Variants in TENM1 observed in about 807,000 individuals in gnomAD.
The protein encoded by TENM1 is teneurin-1.
In TENM1, 35 loss-of-function variants were observed where a neutral mutation model predicts 174.8. That is an observed-to-expected ratio of 0.20 (90% CI 0.15 to 0.27). TENM1 has a LOEUF of 0.27. Among genes scored for constraint, TENM1 ranks in the 10% least tolerant of loss-of-function variants. The pLI is 1.00. For missense variants in TENM1, 1,633 were observed against 2,130.1 expected, an observed-to-expected ratio of 0.77 and a Z score of 4.59; for synonymous variants, 781 against 798.7, an observed-to-expected ratio of 0.98 and a Z score of 0.37.
At chrX:124,744,625 AT>A (rs2053874055) in intron 3 of TENM1, among the ~76,000 whole-genome samples, 1 of 112,072 alleles carries the variant, frequency 8.9e-6, no homozygotes, top group Non-Finnish European at 1.9e-5. Flanking sequence ...TAAAAAAGTA[AT>A]GATCCTTTAA....
At chrX:124,861,619 C>T (rs185304850) in intron 3 of TENM1, among the ~76,000 whole-genome samples, 2 of 111,906 alleles carry the variant, frequency 1.8e-5, no homozygotes, top group East Asian at 5.6e-4. Flanking sequence ...TCAATTGATG[C>T]ATTATTGGAT....
chrX:124,503,152 A>G (rs934408132), intron 19 of TENM1, among the ~76,000 whole-genome samples: 1 of 111,607 alleles, frequency 9.0e-6, no homozygotes, highest in Admixed American at 9.5e-5. Context: ...GCTCAGAGGA[A>G]AGCTGTATGA....
chrX:124,941,868 C>G (rs2058331916), intron 1 of TENM1, among the ~76,000 whole-genome samples: 1 of 111,707 alleles, frequency 9.0e-6, no homozygotes, highest in Admixed American at 9.5e-5. Context: ...CTGGGGAGGC[C>G]TCACAATCAT....
intron 4 of TENM1, among the ~76,000 whole-genome samples, chrX:124,719,739 A>G (rs1272692665): frequency 2.7e-5 from 3 of 111,963 alleles, no homozygotes; most frequent in Non-Finnish European, 5.6e-5. Context: ...CGTCAAGAAT[A>G]TAGGGATTTC....
intron 1 of TENM1, among the ~76,000 whole-genome samples, chrX:124,944,799 C>T (rs765581971): frequency 4.6e-5 from 5 of 108,293 alleles, no homozygotes; most frequent in South Asian, 4.1e-4. Context: ...CATATTTGAA[C>T]GTATAGTACA....
intron 11 of TENM1, among the ~76,000 whole-genome samples, chrX:124,578,038 G>A (rs899345048): frequency 3.7e-5 from 4 of 107,265 alleles, no homozygotes; most frequent in African/African-American, 1.0e-4. Context: ...CAATCCTCCC[G>A]CCTCAGCCTC....
At chrX:125,031,191 T>C in the TENM1 span, among the ~76,000 whole-genome samples, 1 of 110,977 alleles carries the variant, frequency 9.0e-6, no homozygotes, top group Admixed American at 9.7e-5. Context: ...GCTCCACTTA[T>C]AAGTGAGAAG....
chrX:125,192,139 A>T, the TENM1 span, among the ~76,000 whole-genome samples: 2,490 of 111,554 alleles, frequency 0.022, 35 homozygotes, highest in Non-Finnish European at 0.038. Context: ...ATTTTAAAAC[A>T]AAAGTAAAGT....
chrX:125,117,166 C>G, the TENM1 span, among the ~76,000 whole-genome samples: 1 of 111,505 alleles, frequency 9.0e-6, no homozygotes, highest in Non-Finnish European at 1.9e-5. Flanking sequence ...CCAGAAATAC[C>G]ATTTCACCCA....
rs186034321 is a variant in TENM1, at chrX:124,919,941, G to A, written c.218-23700C>T. Among the ~76,000 whole-genome samples the A allele has an allele frequency of 4.6e-3, 515 of 110,812 alleles. 3 individuals carry two copies. Among genetic ancestry groups the A allele is most frequent in the Admixed American group, 0.014 (146 of 10,382 alleles). The stretch of plus-strand genomic sequence containing the variant: ...ATTAGGGCTTCAGGCAAAAAGAACC[G>A]ATACTCAAAATAATGAACATAAGTC... On this transcript the variant is annotated intron_variant, in intron 1 of 31. Coordinates refer to ENST00000422452, the Ensembl canonical transcript of TENM1.
intron 3 of TENM1, among the ~76,000 whole-genome samples, chrX:124,743,845 T>C (rs1292289668): frequency 1.8e-5 from 2 of 112,163 alleles, no homozygotes; most frequent in African/African-American, 3.2e-5. Flanking sequence ...TTAGTCTCTC[T>C]ATAAGCTGAT....
chrX:124,599,588 T>C (rs188308581), intron 11 of TENM1, among the ~76,000 whole-genome samples: 13 of 111,328 alleles, frequency 1.2e-4, no homozygotes, highest in African/African-American at 4.2e-4. Context: ...TCTATAGATG[T>C]AAAAGAAAAA....
intron 3 of TENM1, among the ~76,000 whole-genome samples, chrX:124,777,132 A>G (rs1229394527): frequency 9.0e-6 from 1 of 111,236 alleles, no homozygotes; most frequent in South Asian, 3.8e-4. Context: ...TGAATCTAAA[A>G]TAAAAGTTGG....
rs773683926 is a variant in TENM1, at chrX:124,606,558, G to C, written c.2077+35233C>G. ...GAAAGAAGGGAGAGGAAACAAGATG[G>C]TTAGATACATTAATGTCTAAGATTT... On this transcript the variant is annotated intron_variant, in intron 11 of 31. Coordinates refer to ENST00000422452, the Ensembl canonical transcript of TENM1. Among the ~76,000 whole-genome samples, 408 of 111,486 alleles carry C rather than the reference G, an allele frequency of 3.7e-3. 1 individual carries two copies. The highest frequency in any genetic ancestry group is 6.6e-3 in the Non-Finnish European group (351 of 52,892).
At chrX:124,557,006 G>A (rs184070712) in intron 14 of TENM1, among the ~76,000 whole-genome samples, 92 of 111,628 alleles carry the variant, frequency 8.2e-4, no homozygotes, top group African/African-American at 2.9e-3. Flanking sequence ...ACAATAGTTA[G>A]CAAGAAGTAG....
intron 22 of TENM1, among the ~76,000 whole-genome samples, chrX:124,478,359 C>T (rs917443689): frequency 1.2e-4 from 13 of 112,592 alleles, no homozygotes; most frequent in Non-Finnish European, 2.3e-4. Flanking sequence ...AAAACAAAAA[C>T]AGAAACAAAA....
chrX:124,421,640 A>G (rs1395313193), intron 24 of TENM1, among the ~76,000 whole-genome samples: 3 of 103,265 alleles, frequency 2.9e-5, no homozygotes. Context: ...TCCAATTTCG[A>G]TTAGAAGAAA....
At chrX:125,018,547 A>G in the TENM1 span, among the ~76,000 whole-genome samples, 1 of 111,296 alleles carries the variant, frequency 9.0e-6, no homozygotes, top group African/African-American at 3.3e-5. Flanking sequence ...TTAAAAATTA[A>G]TTAAAAGCTA....
At chrX:124,998,266 A>G in the TENM1 span, among the ~76,000 whole-genome samples, 3 of 109,984 alleles carry the variant, frequency 2.7e-5, no homozygotes, top group Admixed American at 9.8e-5. Flanking sequence ...AATAGAATAT[A>G]TGCATTGAAA....
Sources: gnomAD v4.1 joint callset for allele counts (sites outside exome capture counted in the v4.1 genomes callset) on GRCh38, gnomAD v4.1.1 for gene constraint, MANE v1.5 for transcripts, NCBI Gene and HGNC (gene_info 2026-07-23, HGNC 2026-07-21) for gene names.